The following COL13A1 variants were observed in gnomAD, a reference collection of about 807,000 sequenced individuals.
COL13A1 encodes collagen type XIII alpha 1 chain, also known as collagen alpha-1(XIII) chain.
COL13A1 carries 89 observed loss-of-function variants against 130.9 expected under a neutral mutation model. That is an observed-to-expected ratio of 0.68 (90% CI 0.57 to 0.81). The LOEUF (loss-of-function observed/expected upper bound fraction) is 0.81. Ranked by LOEUF, COL13A1 falls within the 30% of genes least tolerant of loss-of-function variation. The pLI is 0.00. For synonymous variants in COL13A1, 402 were observed against 341.6 expected, an observed-to-expected ratio of 1.18 and a Z score of -1.95; for missense variants, 879 against 934.6, an observed-to-expected ratio of 0.94 and a Z score of 0.78.
rs1227746 is a variant in COL13A1 at position 69,897,516 on chromosome 10, A to G, written c.685-1181A>G. ...TGCCAGCAGCTCTGCGCTCCAGCCA[A>G]ATAATTGCCCTGAAGGTTTGTAGGT... On this transcript the variant is annotated intron_variant, in intron 13 of 40. Coordinates refer to ENST00000645393, the MANE Select transcript of COL13A1 (RefSeq NM_001368882.1). 1,612,824 of 1,613,970 alleles carry G rather than the reference A, an allele frequency of 1. 805,848 individuals carry two copies. The highest frequency in any genetic ancestry group is 1 in the East Asian group (44,874 of 44,874).
rs1352030586 is a variant in COL13A1 at position 69,914,242 on chromosome 10, C to G, written c.922-3047C>G. On this transcript the variant is annotated intron_variant, in intron 17 of 40. Transcript: ENST00000645393. ...AGAGCAGGGACCCACTGAGACCCCT[C>G]CTAGAGCTGCATTTTTAACCAAAGC... 9.2e-5 allele frequency among the ~76,000 whole-genome samples: 14 copies of G among 152,280 alleles called. No homozygotes were observed. The East Asian group carries it at 2.1e-3, about 23-fold the overall frequency.
intron 39 of COL13A1, chr10:69,956,777 G>A (rs4096394): frequency 8.3e-5 from 44 of 527,262 alleles, no homozygotes; most frequent in Admixed American, 2.4e-4. Flanking sequence ...CCCTATTGAC[G>A]TTGCACTATA....
In COL13A1 at chr10:69,802,678, G is replaced by A; in HGVS notation, c.255G>A (p.Glu85=). The change falls in exon 1 of 41, where the codon GAG becomes GAA. Residue 85 remains glutamate, a synonymous_variant. Transcript: ENST00000645393. ...LEAERGEQQM[E]TAILGRVNQL... ...CGGAGCGCGGGGAGCAGCAAATGGA[G>A]ACGGCTATTTTGGGACGAGTCAATC... 1 of 1,613,502 alleles carries A rather than the reference G, an allele frequency of 6.2e-7. No homozygotes were observed. The highest frequency in any genetic ancestry group is 1.1e-5 in the South Asian group (1 of 91,082).
intron 5 of COL13A1, among the ~76,000 whole-genome samples, chr10:69,875,535 C>T (rs1025801459): frequency 1.3e-5 from 2 of 152,232 alleles, no homozygotes; most frequent in Admixed American, 1.3e-4. Context: ...CTTAGATTCA[C>T]AGCTGCTCCT....
intron 36 of COL13A1, 56 bp from the exon 37 acceptor site, chr10:69,945,615 A>G: frequency 6.3e-7 from 1 of 1,586,558 alleles, no homozygotes; most frequent in Non-Finnish European, 8.6e-7. Flanking sequence ...AGAAAATGGC[A>G]AGGAAGATTG....
intron 1 of COL13A1, 116 bp downstream of exon 1, chr10:69,802,833 C>T: frequency 7.3e-7 from 1 of 1,361,808 alleles, no homozygotes; most frequent in East Asian, 2.5e-5. Context: ...CAGGTTCGCG[C>T]GAGTTGCCTG....
At chr10:69,956,784 T>C (rs552710747) in intron 39 of COL13A1, 1 of 552,784 alleles carries the variant, frequency 1.8e-6, no homozygotes, top group South Asian at 2.1e-5. Context: ...GACGTTGCAC[T>C]ATAGCTGCAT....
Position 69,912,925 on chromosome 10 carries a change from A to T in COL13A1, c.922-4364A>T, listed in dbSNP as rs1191841445. On this transcript the variant is annotated intron_variant, in intron 17 of 40. Transcript: ENST00000645393. ...ATTCTATCATCTCTGTAAAGGATGC[A>T]TCCTCCCACCTGGAATCTTGGACCA... Among the ~76,000 whole-genome samples the T allele has an allele frequency of 2.0e-5, 3 of 152,318 alleles. No homozygotes were observed. The East Asian group carries it at 5.8e-4, about 29-fold the overall frequency.
chr10:69,951,512 A>G (rs2069560150), intron 38 of COL13A1, among the ~76,000 whole-genome samples: 1 of 151,834 alleles, frequency 6.6e-6, no homozygotes, highest in South Asian at 2.1e-4. Flanking sequence ...CTACAGGGAC[A>G]TGCCACCACA....
chr10:69,930,332 A>G (rs942249823), intron 29 of COL13A1, 68 bp from the exon 30 acceptor site: 14 of 1,439,918 alleles, frequency 9.7e-6, no homozygotes, highest in South Asian at 4.1e-5. Flanking sequence ...GGACTTTTCT[A>G]CTCTCTCTCC....
intron 2 of COL13A1, among the ~76,000 whole-genome samples, chr10:69,842,115 T>C (rs1445579669): frequency 6.6e-6 from 1 of 152,194 alleles, no homozygotes; most frequent in East Asian, 1.9e-4. Context: ...TCCCACGTGT[T>C]GTGAGAGGGA....
intron 19 of COL13A1, 114 bp from the exon 20 acceptor site, chr10:69,918,948 A>T: frequency 8.2e-7 from 1 of 1,226,158 alleles, no homozygotes; most frequent in Non-Finnish European, 1.2e-6. Flanking sequence ...GGCTGGCCAG[A>T]TGTTTCACTA....
chr10:69,949,513 G>C (rs2069067126), intron 38 of COL13A1, among the ~76,000 whole-genome samples: 1 of 152,192 alleles, frequency 6.6e-6, no homozygotes, highest in Non-Finnish European at 1.5e-5. Flanking sequence ...AGTGAACCAA[G>C]ATACAACCTT....
At chr10:69,870,848 G>C (rs373358990) in intron 3 of COL13A1, among the ~76,000 whole-genome samples, 1 of 106,174 alleles carries the variant, frequency 9.4e-6, no homozygotes, top group Admixed American at 9.6e-5. Flanking sequence ...GAGCAAAGAG[G>C]AAAACAGAGC....
intron 2 of COL13A1, 136 bp from the exon 3 acceptor site, chr10:69,867,662 C>A (rs1564891628): frequency 3.2e-6 from 2 of 634,496 alleles, no homozygotes; most frequent in East Asian, 5.7e-5. Context: ...TGAAAGTAGG[C>A]CAGGAAAAGA....
chr10:69,925,873 G>C lies in COL13A1; in HGVS notation c.1398+1G>C. 1.3e-6 allele frequency: 2 copies of C among 1,589,300 alleles called. No individual in the cohort carries two copies. Among genetic ancestry groups the C allele is most frequent in the Non-Finnish European group, 1.7e-6 (2 of 1,167,656 alleles). ...TGGAAACATCAATGAGGCTCTCCAG[G>C]TGAGCAGGGTCCAGCCCAGAGGCCA... On this transcript the variant is annotated splice_donor_variant, in intron 26 of 40. Coordinates refer to ENST00000645393, the MANE Select transcript of COL13A1 (RefSeq NM_001368882.1). LOFTEE classifies it high-confidence loss of function.
intron 30 of COL13A1, chr10:69,931,208 A>G (rs901137213): frequency 6.6e-6 from 3 of 456,060 alleles, no homozygotes; most frequent in Admixed American, 2.3e-5. Context: ...GCCAGAGCAG[A>G]CCCAGAGTGG....
chr10:69,935,274 G>A (rs2066679587), intron 31 of COL13A1, 76 bp from the exon 32 acceptor site: 4 of 1,305,346 alleles, frequency 3.1e-6, no homozygotes, highest in Non-Finnish European at 4.3e-6. Context: ...TGGCCTTGCA[G>A]TCTCCAGCTG....
At chr10:69,945,152 G>A (rs894788856) in intron 36 of COL13A1, among the ~76,000 whole-genome samples, 6 of 152,164 alleles carry the variant, frequency 3.9e-5, no homozygotes, top group African/African-American at 9.7e-5. Flanking sequence ...GGCATCCGTC[G>A]AGTTCTCTGC....
Sources: allele counts gnomAD v4.1 joint callset (sites outside exome capture counted in the v4.1 genomes callset), GRCh38; gene constraint gnomAD v4.1.1; transcripts MANE v1.5; gene names NCBI Gene and HGNC (gene_info 2026-07-23, HGNC 2026-07-21).